FOXN1: variants seen among roughly 807,000 people sequenced by gnomAD.
FOXN1 encodes the protein forkhead box protein N1.
Under a neutral mutation model 49.0 loss-of-function variants are expected in FOXN1, and 15 were observed. The observed-to-expected ratio is 0.31, with a 90% CI of 0.20 to 0.47. The LOEUF is 0.47. Among genes scored for constraint, FOXN1 ranks in the 20% least tolerant of loss-of-function variants. The pLI is 1.00. For synonymous variants in FOXN1, 356 were observed against 369.0 expected (o/e 0.96, Z 0.40); for missense variants, 800 against 842.8 (o/e 0.95, Z 0.63).
At chr17:28,527,776 A>T (rs2069807806) in intron 4 of FOXN1, among the ~76,000 whole-genome samples, 1 of 152,172 alleles carries the variant, frequency 6.6e-6, no homozygotes, top group Non-Finnish European at 1.5e-5. Context: ...TTGCTATGTG[A>T]CCTTGGCCTC....
intron 6 of FOXN1, among the ~76,000 whole-genome samples, chr17:28,533,074 C>G (rs984671352): frequency 6.6e-6 from 1 of 152,210 alleles, no homozygotes; most frequent in Non-Finnish European, 1.5e-5. Flanking sequence ...AAAGGCTGCA[C>G]CAGGTCCTGC....
intron 6 of FOXN1, among the ~76,000 whole-genome samples, chr17:28,532,122 G>A (rs1012782292): frequency 6.6e-6 from 1 of 152,196 alleles, no homozygotes; most frequent in African/African-American, 2.4e-5. Context: ...AGAGGGAAAA[G>A]CCCAGTCCTC....
chr17:28,537,390 C>T lies in FOXN1; in HGVS notation c.1901C>T (p.Pro634Leu), dbSNP rs149539010. 18 of 1,613,058 alleles carry T rather than the reference C, an allele frequency of 1.1e-5. No homozygotes were observed. The highest frequency in any genetic ancestry group is 1.5e-5 in the Non-Finnish European group (18 of 1,179,720). The change falls in exon 9 of 9, where the codon CCC becomes CTC. Residue 634 changes from proline to leucine, a missense_variant. Pro to Leu is a moderately conservative substitution (Grantham distance 98). This residue lies in a region of FOXN1 where 344 missense variants were observed against 366.1 expected (regional missense o/e 0.94). Coordinates refer to ENST00000579795, the MANE Select transcript of FOXN1 (RefSeq NM_001369369.1). ...ACGCCCCCCACGGCCCCTGCAGGCC[C>T]CTCTGTGTACCTCAGCCCCAGCTCC... ...EPTPPTAPAGPSVYLSPSSKP... is the reference protein window; with the variant it reads ...EPTPPTAPAGLSVYLSPSSKP...
In FOXN1 at chr17:28,537,463, C is replaced by G; in HGVS notation, c.*27C>G. Reference sequence around the variant, plus strand: ...CTGTGCCCAGCTTCGTCAGCTCCAGCGTTTGCCTGGTCTGGAAGTCCTGGC... The same window carrying G: ...CTGTGCCCAGCTTCGTCAGCTCCAGGGTTTGCCTGGTCTGGAAGTCCTGGC... On this transcript the variant is annotated 3_prime_UTR_variant, in exon 9 of 9. Transcript: ENST00000579795. 1 of 1,580,302 alleles carries G rather than the reference C, an allele frequency of 6.3e-7. No homozygotes were observed. Among genetic ancestry groups the G allele is most frequent in the Non-Finnish European group, 8.7e-7 (1 of 1,150,196 alleles).
chr17:28,535,265 T>C, intron 8 of FOXN1, 67 bp downstream of exon 8: 1 of 1,548,364 alleles, frequency 6.5e-7, no homozygotes, highest in Admixed American at 1.7e-5. Context: ...GTGGGACTCA[T>C]CTTCTCCAAG....
At chr17:28,511,982 G>A (rs2069405705) in intron 1 of FOXN1, among the ~76,000 whole-genome samples, 1 of 152,192 alleles carries the variant, frequency 6.6e-6, no homozygotes, top group South Asian at 2.1e-4. Flanking sequence ...ACAGCCCACA[G>A]GAGGCTGGGG....
intron 1 of FOXN1, among the ~76,000 whole-genome samples, chr17:28,510,408 A>T (rs900533973): frequency 2.0e-5 from 3 of 152,084 alleles, no homozygotes; most frequent in Admixed American, 2.0e-4. Flanking sequence ...GCGCACGCAC[A>T]CACACAGAAT....
chr17:28,537,105 T>C lies in FOXN1; in HGVS notation c.1628-12T>C. The C allele has an allele frequency of 6.2e-7, 1 of 1,611,916 alleles. No individual in the cohort carries two copies. The highest frequency in any genetic ancestry group is 8.5e-7 in the Non-Finnish European group (1 of 1,177,968). On this transcript the variant is annotated splice_polypyrimidine_tract_variant and intron_variant, in intron 8 of 8. Coordinates refer to ENST00000579795, the MANE Select transcript of FOXN1 (RefSeq NM_001369369.1). Reference sequence around the variant, plus strand: ...CCTCCCAGTGACACCTGTTCTCTCCTTCCCCATCTAGGAAACCTGTGGGAA... The same window carrying C: ...CCTCCCAGTGACACCTGTTCTCTCCCTCCCCATCTAGGAAACCTGTGGGAA...
rs758840390 is a variant in FOXN1 at position 28,524,032 on chromosome 17, C to T, written c.63C>T (p.Gly21=). ...TGCCGGGCCCCACCAGACTGGAGGGCGAGCGCCAAGGGGACCTCATGCAGG... is the reference window on the plus strand; with the variant it reads ...TGCCGGGCCCCACCAGACTGGAGGGTGAGCGCCAAGGGGACCTCATGCAGG... ...VTLPGPTRLE[G]ERQGDLMQAP... The change falls in exon 2 of 9, where the codon GGC becomes GGT. Residue 21 remains glycine (G), a synonymous_variant. Coordinates refer to ENST00000579795, the MANE Select transcript of FOXN1 (RefSeq NM_001369369.1). The T allele has an allele frequency of 3.1e-6, 5 of 1,612,306 alleles. No homozygotes were observed. The highest frequency in any genetic ancestry group is 2.2e-5 in the South Asian group (2 of 91,026).
rs61749867 is a variant in FOXN1, at chr17:28,534,859, C to T, written c.1288C>T (p.Pro430Ser). 0.042 allele frequency: 68,101 copies of T among 1,614,016 alleles called. 1,893 individuals are homozygous for T. Among genetic ancestry groups the T allele is most frequent in the Non-Finnish European group, 0.051 (59,628 of 1,179,920 alleles). Residue 430 changes from proline (P) to serine (S), a missense_variant, in exon 8 of 9, where the codon CCA becomes TCA. Transcript: ENST00000579795. This position sits in a 1 kb window ranked among gnomAD's most constrained non-coding sequence, Gnocchi z 4.1. Reference sequence around the variant, plus strand: ...ACCACTGCACTCACTCCACCCAGCTCCAGGCCCCATTCCTGGCAAGAACCC... The same window carrying T: ...ACCACTGCACTCACTCCACCCAGCTTCAGGCCCCATTCCTGGCAAGAACCC... ...SPPLHSLHPA[P>S]GPIPGKNPLQ...
rs1056130042 is a variant in FOXN1 at position 28,534,212 on chromosome 17, C to G, written c.928-119C>G. ...GGGTGCTGAGGAGGACAACAAGCCC[C>G]AGAGTGGGCGGCAGCTCTGTGCCCA... On this transcript the variant is annotated intron_variant, in intron 6 of 8. Coordinates refer to ENST00000579795, the MANE Select transcript of FOXN1 (RefSeq NM_001369369.1). The surrounding 1 kb of genome is among the most constrained non-coding windows in gnomAD (Gnocchi z 4.1). 1.5e-5 allele frequency: 22 copies of G among 1,472,860 alleles called. No homozygotes were observed. Among genetic ancestry groups the G allele is most frequent in the Non-Finnish European group, 2.1e-5 (22 of 1,068,156 alleles). 91.2% of individuals were successfully genotyped at this position (1,472,860 alleles called of 1,614,324 possible). A position where few individuals can be genotyped will look rare whatever the true frequency, so the allele number is the denominator to read the frequency against.
intron 5 of FOXN1, among the ~76,000 whole-genome samples, chr17:28,530,184 A>T (rs1331090283): frequency 3.9e-5 from 6 of 151,962 alleles, no homozygotes; most frequent in Non-Finnish European, 7.4e-5. Flanking sequence ...AAAGTATAAT[A>T]AAAAAAATAA....
At chr17:28,526,703 C>T (rs2069777388) in intron 3 of FOXN1, among the ~76,000 whole-genome samples, 2 of 152,188 alleles carry the variant, frequency 1.3e-5, no homozygotes, top group Non-Finnish European at 2.9e-5. Context: ...AGAGGAGTTA[C>T]TAGCCCCATT....
chr17:28,531,070 C>T (rs1036552943), intron 6 of FOXN1, among the ~76,000 whole-genome samples: 3 of 152,214 alleles, frequency 2.0e-5, no homozygotes, highest in African/African-American at 7.2e-5. Flanking sequence ...TCCAAGGTTG[C>T]ACAGCAGACT....
At chr17:28,507,078 T>C (rs1555606238) in intron 1 of FOXN1, among the ~76,000 whole-genome samples, 1 of 152,134 alleles carries the variant, frequency 6.6e-6, no homozygotes, top group East Asian at 1.9e-4. Flanking sequence ...TCGCCTCCTA[T>C]CCCCAGCTCC....
At position 28,534,529 on chromosome 17, in the gene FOXN1, G is replaced by T. The variant is rs2070000337; in HGVS notation, c.1126G>T (p.Ala376Ser). Residue 376 changes from alanine (A) to serine (S), a missense_variant, in exon 7 of 9, where the codon GCC (alanine) becomes TCC (serine). By Grantham distance (99) the Ala-to-Ser change is moderately conservative. This residue lies in a region of FOXN1 where 344 missense variants were observed against 366.1 expected (regional missense o/e 0.94). Coordinates refer to ENST00000579795, the MANE Select transcript of FOXN1 (RefSeq NM_001369369.1). The surrounding 1 kb of genome is among the most constrained non-coding windows in gnomAD (Gnocchi z 4.1). ...TCCCATTGCTGTGCGCAAAAGCATG[G>T]CCAAGCCAGGTGAGGCCGGCCGGGC... ...KDPIAVRKSM[A>S]KPEELDSLIG... The T allele has an allele frequency of 6.2e-7, 1 of 1,613,232 alleles. No individual in the cohort carries two copies. The highest frequency in any genetic ancestry group is 8.5e-7 in the Non-Finnish European group (1 of 1,179,898).
At chr17:28,509,516 C>T (rs1012949437) in intron 1 of FOXN1, among the ~76,000 whole-genome samples, 1 of 152,206 alleles carries the variant, frequency 6.6e-6, no homozygotes, top group Admixed American at 6.5e-5. Context: ...CCGCCAGGTT[C>T]TGGGGTGTCC....
At chr17:28,527,504 C>T (rs995750235) in intron 4 of FOXN1, 143 bp downstream of exon 4, 6 of 681,982 alleles carry the variant, frequency 8.8e-6, no homozygotes, top group Non-Finnish European at 1.6e-5. Flanking sequence ...TTAGGCTTGG[C>T]CACAGCAGGT....
At chr17:28,523,450 G>T (rs1445863080) in intron 1 of FOXN1, among the ~76,000 whole-genome samples, 1 of 152,158 alleles carries the variant, frequency 6.6e-6, no homozygotes, top group Admixed American at 6.5e-5. Context: ...TGCATGGAGG[G>T]GGTTGCTCCC....
Sources: allele counts gnomAD v4.1 joint callset (sites outside exome capture counted in the v4.1 genomes callset), GRCh38; gene constraint gnomAD v4.1.1; regional missense constraint gnomAD v4.1.1; non-coding constraint Gnocchi (gnomAD v3.1); transcripts MANE v1.5; gene names NCBI Gene and HGNC (gene_info 2026-07-23, HGNC 2026-07-21).